The following ANO3 variants were observed in gnomAD, a reference collection of about 807,000 sequenced individuals.
ANO3 encodes anoctamin-3.
In ANO3, 99 loss-of-function variants were observed where a neutral mutation model predicts 144.8. The observed-to-expected ratio is 0.68, with a 90% CI of 0.58 to 0.81. ANO3 has a LOEUF of 0.81. ANO3 is among the 30% of genes least tolerant of loss of function. The pLI is 0.00. For synonymous variants in ANO3, 414 were observed against 392.6 expected, an observed-to-expected ratio of 1.05 and a Z score of -0.64; for missense variants, 905 against 1,202.2, an observed-to-expected ratio of 0.75 and a Z score of 3.66.
intron 3 of ANO3, among the ~76,000 whole-genome samples, chr11:26,457,990 T>C (rs1268206938): frequency 6.6e-6 from 1 of 152,110 alleles, no homozygotes; most frequent in East Asian, 1.9e-4. Context: ...TAAGAGCTTT[T>C]GGGAAAAATA....
Position 26,277,128 on chromosome 11 carries a change from A to G in ANO3, c.155-32517A>G, listed in dbSNP as rs117957829. Among the ~76,000 whole-genome samples, 31 of 151,908 alleles carry G rather than the reference A, an allele frequency of 2.0e-4. No individual in the cohort carries two copies. In the East Asian group the frequency reaches 5.8e-3, roughly 28 times the overall value. On this transcript the variant is annotated intron_variant, in intron 1 of 27. Coordinates refer to the ANO3 transcript ENST00000672621. Reference sequence around the variant, plus strand: ...TAAATCCATCCATATAAAAAAGTAGATATCTCTCTATTTCACAAAATATCC... The same window carrying G: ...TAAATCCATCCATATAAAAAAGTAGGTATCTCTCTATTTCACAAAATATCC...
chr11:26,555,171 A>G (rs1292872187), intron 13 of ANO3, among the ~76,000 whole-genome samples: 1 of 152,210 alleles, frequency 6.6e-6, no homozygotes, highest in Non-Finnish European at 1.5e-5. Flanking sequence ...TAAATGTTCC[A>G]TAAAGATGAT....
intron 1 of ANO3, among the ~76,000 whole-genome samples, chr11:26,360,924 C>T (rs1010845061): frequency 6.6e-6 from 1 of 152,144 alleles, no homozygotes; most frequent in Non-Finnish European, 1.5e-5. Flanking sequence ...GATAACCTGA[C>T]GTCTTTGTAG....
chr11:26,259,982 G>C (rs187339461), intron 1 of ANO3, among the ~76,000 whole-genome samples: 18 of 151,976 alleles, frequency 1.2e-4, no homozygotes, highest in Admixed American at 7.9e-4. Flanking sequence ...AACCCCATAG[G>C]GTCTTTCATG....
At chr11:26,651,397 C>T (rs7121838) in intron 24 of ANO3, among the ~76,000 whole-genome samples, 99,898 of 151,954 alleles carry the variant, frequency 0.66, 34,280 homozygotes, top group East Asian at 0.82. Flanking sequence ...ATAGTCAATA[C>T]ATGAGACCAG....
intron 1 of ANO3, among the ~76,000 whole-genome samples, chr11:26,226,057 T>C (rs67844042): frequency 0.3 from 45,825 of 151,766 alleles, 7,630 homozygotes; most frequent in Non-Finnish European, 0.37. Flanking sequence ...GTACAACCCC[T>C]ACAAGCCTCT....
chr11:26,197,922 A>C (rs11600480), intron 1 of ANO3, among the ~76,000 whole-genome samples: 45,865 of 151,814 alleles, frequency 0.3, 7,676 homozygotes, highest in Non-Finnish European at 0.37. Flanking sequence ...GCATCCTCTG[A>C]CCCCATGGCA....
chr11:26,658,902 AT>A (rs1853783902), intron 26 of ANO3, among the ~76,000 whole-genome samples: 1 of 152,144 alleles, frequency 6.6e-6, no homozygotes, highest in African/African-American at 2.4e-5. Context: ...TCTACTAAGA[AT>A]CCATTAGGAA....
At chr11:26,350,114 A>T (rs1855604837) in intron 1 of ANO3, among the ~76,000 whole-genome samples, 1 of 152,192 alleles carries the variant, frequency 6.6e-6, no homozygotes, top group African/African-American at 2.4e-5. Context: ...TATGTGGAGA[A>T]ACCGACAAAT....
At chr11:26,253,940 C>T (rs1224756436) in intron 1 of ANO3, among the ~76,000 whole-genome samples, 2 of 152,136 alleles carry the variant, frequency 1.3e-5, no homozygotes, top group Non-Finnish European at 2.9e-5. Flanking sequence ...GCGAATTTTA[C>T]AGGGTCCAGG....
intron 1 of ANO3, among the ~76,000 whole-genome samples, chr11:26,283,325 T>C (rs1019088999): frequency 0.038 from 803 of 21,386 alleles, 26 homozygotes; most frequent in African/African-American, 0.21. Context: ...TAAATAAATA[T>C]ATATATATAT....
intron 5 of ANO3, among the ~76,000 whole-genome samples, chr11:26,511,440 C>T (rs754252107): frequency 6.6e-6 from 1 of 152,166 alleles, no homozygotes; most frequent in African/African-American, 2.4e-5. Flanking sequence ...TTTTTATACT[C>T]TTTCCACTTG....
intron 1 of ANO3, among the ~76,000 whole-genome samples, chr11:26,302,965 A>G (rs1409034974): frequency 6.6e-6 from 1 of 152,224 alleles, no homozygotes; most frequent in Non-Finnish European, 1.5e-5. Flanking sequence ...TAATCATCAG[A>G]GAAATGCAAA....
chr11:26,453,139 A>G (rs1167813732), intron 3 of ANO3, among the ~76,000 whole-genome samples: 2 of 152,230 alleles, frequency 1.3e-5, no homozygotes, highest in African/African-American at 4.8e-5. Flanking sequence ...CAAAATGTAA[A>G]GACCATTGAG....
intron 12 of ANO3, among the ~76,000 whole-genome samples, chr11:26,547,878 T>C (rs888363587): frequency 2.0e-5 from 3 of 151,950 alleles, no homozygotes; most frequent in African/African-American, 7.2e-5. Flanking sequence ...TAGAATGCCC[T>C]CTTGATATAT....
At chr11:26,429,650 C>T (rs1858022864) in intron 1 of ANO3, among the ~76,000 whole-genome samples, 1 of 152,042 alleles carries the variant, frequency 6.6e-6, no homozygotes, top group South Asian at 2.1e-4. Flanking sequence ...GTGCTGTATA[C>T]AGGAGTCATA....
intron 1 of ANO3, among the ~76,000 whole-genome samples, chr11:26,338,674 G>C (rs904590142): frequency 1.3e-5 from 2 of 152,110 alleles, no homozygotes. Flanking sequence ...CTTCATTCCT[G>C]AAGTCAACGA....
chr11:26,425,036 C>A (rs567108991), intron 1 of ANO3, among the ~76,000 whole-genome samples: 1 of 151,822 alleles, frequency 6.6e-6, no homozygotes, highest in Non-Finnish European at 1.5e-5. Context: ...ATCCCTCCCC[C>A]CCACCCCACA....
chr11:26,640,417 G>T (rs767980312), intron 21 of ANO3, among the ~76,000 whole-genome samples: 1 of 152,138 alleles, frequency 6.6e-6, no homozygotes, highest in Non-Finnish European at 1.5e-5. Flanking sequence ...GAGGACTGGG[G>T]AGCCCAGTTC....
Sources: gnomAD v4.1 joint callset for allele counts (sites outside exome capture counted in the v4.1 genomes callset) on GRCh38, gnomAD v4.1.1 for gene constraint, MANE v1.5 for transcripts, NCBI Gene and HGNC (gene_info 2026-07-23, HGNC 2026-07-21) for gene names.